CTNNA2: variants seen among roughly 807,000 people sequenced by gnomAD.
The protein encoded by CTNNA2 is catenin alpha 2.
Under a neutral mutation model 101.0 loss-of-function variants are expected in CTNNA2, and 42 were observed. The observed-to-expected ratio is 0.42, with a 90% confidence interval of 0.32 to 0.54. The LOEUF (loss-of-function observed/expected upper bound fraction) is 0.54. Among genes scored for constraint, CTNNA2 ranks in the 20% least tolerant of loss-of-function variants. The probability of loss-of-function intolerance (pLI) is 0.14; values close to 1 mark genes in which losing one functional copy is unlikely to be tolerated. For synonymous variants in CTNNA2, 450 were observed against 456.4 expected, an observed-to-expected ratio of 0.99 and a Z score of 0.18; for missense variants, 871 against 1,223.1, an observed-to-expected ratio of 0.71 and a Z score of 4.29.
At chr2:80,065,193 T>A (rs1697896277) in intron 7 of CTNNA2, among the ~76,000 whole-genome samples, 1 of 151,886 alleles carries the variant, frequency 6.6e-6, no homozygotes, top group Non-Finnish European at 1.5e-5. Context: ...TTGAATTACT[T>A]GTCAGAAAAA....
intron 2 of CTNNA2, among the ~76,000 whole-genome samples, chr2:79,735,538 G>A (rs1197824658): frequency 2.0e-5 from 3 of 152,112 alleles, no homozygotes; most frequent in African/African-American, 7.2e-5. Flanking sequence ...TATTTATTTG[G>A]GGAGTTATTT....
At chr2:79,912,625 A>C (rs1374032900) in intron 7 of CTNNA2, among the ~76,000 whole-genome samples, 1 of 152,232 alleles carries the variant, frequency 6.6e-6, no homozygotes, top group Admixed American at 6.5e-5. Context: ...GGCTAGACTT[A>C]AGTTGCTTTA....
chr2:80,144,302 G>C (rs932109024), intron 7 of CTNNA2, among the ~76,000 whole-genome samples: 8 of 152,040 alleles, frequency 5.3e-5, no homozygotes, highest in African/African-American at 1.9e-4. Flanking sequence ...AGATGCACCT[G>C]GTTAAAAGAC....
intron 3 of CTNNA2, among the ~76,000 whole-genome samples, chr2:79,845,210 C>T (rs1439319616): frequency 1.5e-5 from 2 of 129,864 alleles, no homozygotes; most frequent in African/African-American, 3.0e-5. Context: ...TAAATGTCCA[C>T]TTAGGGGGCA....
intron 9 of CTNNA2, among the ~76,000 whole-genome samples, chr2:80,490,461 A>T (rs1282344527): frequency 6.6e-6 from 1 of 152,136 alleles, no homozygotes; most frequent in Non-Finnish European, 1.5e-5. Flanking sequence ...TGAAATTCAG[A>T]TTTCATATAA....
In CTNNA2 at chr2:79,359,067, T is replaced by C. The variant is rs147874318; in HGVS notation, c.-317-14764T>C. ...AATCCTGGAAACACCTGATCACTTATATTCCTGAATTAGTTAACTCAGCTT... is the reference window on the plus strand; with the variant it reads ...AATCCTGGAAACACCTGATCACTTACATTCCTGAATTAGTTAACTCAGCTT... On this transcript the variant is annotated intron_variant, in intron 3 of 21. Coordinates refer to the CTNNA2 transcript ENST00000466387. 4.3e-3 allele frequency among the ~76,000 whole-genome samples: 653 copies of C among 152,294 alleles called. 8 individuals are homozygous for C. The highest frequency in any genetic ancestry group is 0.015 in the African/African-American group (619 of 41,560).
intron 7 of CTNNA2, among the ~76,000 whole-genome samples, chr2:80,371,243 C>T (rs1053447745): frequency 6.6e-6 from 1 of 152,130 alleles, no homozygotes; most frequent in Admixed American, 6.5e-5. Flanking sequence ...TCCATCATTA[C>T]ACAGCAAAAG....
intron 9 of CTNNA2, among the ~76,000 whole-genome samples, chr2:80,516,823 C>T (rs2004016): frequency 0.062 from 9,401 of 152,232 alleles, 357 homozygotes; most frequent in African/African-American, 0.1. Flanking sequence ...TTTCTAACAA[C>T]GGTAAATTAA....
intron 4 of CTNNA2, among the ~76,000 whole-genome samples, chr2:79,404,910 G>A (rs377151491): frequency 6.6e-6 from 1 of 151,994 alleles, no homozygotes; most frequent in Non-Finnish European, 1.5e-5. Context: ...CCCTGTCTCA[G>A]AACTTTATTT....
At chr2:79,638,149 G>C (rs1680207070) in intron 1 of CTNNA2, among the ~76,000 whole-genome samples, 1 of 152,178 alleles carries the variant, frequency 6.6e-6, no homozygotes, top group South Asian at 2.1e-4. Context: ...GTGTTCAGTG[G>C]AATCATTGTT....
In CTNNA2 at chr2:79,464,471, T is replaced by C. The variant is rs138795375; in HGVS notation, c.-134-40583T>C. Among the ~76,000 whole-genome samples, 1,645 of 152,324 alleles carry C rather than the reference T, an allele frequency of 0.011. 81 individuals carry two copies. In the East Asian group the frequency reaches 0.13, roughly 12 times the overall value. ...GTGGGCATGTATCTTTATAGCAGCA[T>C]GATTTACAATCCTTTGGGTATATAC... On this transcript the variant is annotated intron_variant, in intron 4 of 21. Coordinates refer to the CTNNA2 transcript ENST00000466387.
intron 1 of CTNNA2, among the ~76,000 whole-genome samples, chr2:79,516,798 C>A (rs1457880383): frequency 6.6e-6 from 1 of 152,136 alleles, no homozygotes; most frequent in African/African-American, 2.4e-5. Context: ...CTTTGCTGAA[C>A]AATAAAGATT....
intron 4 of CTNNA2, among the ~76,000 whole-genome samples, chr2:79,435,481 C>G (rs2104513684): frequency 6.6e-6 from 1 of 152,252 alleles, no homozygotes; most frequent in South Asian, 2.1e-4. Flanking sequence ...AAATGGGCCC[C>G]AAATGCTACC....
At chr2:79,682,147 G>A (rs1573662853) in intron 2 of CTNNA2, among the ~76,000 whole-genome samples, 1 of 152,044 alleles carries the variant, frequency 6.6e-6, no homozygotes, top group African/African-American at 2.4e-5. Flanking sequence ...GGTGGCTCAC[G>A]CCTGTAATCC....
In CTNNA2 at chr2:79,803,377, T is replaced by G. The variant is rs555136066; in HGVS notation, c.299-54636T>G. 1.1e-3 allele frequency among the ~76,000 whole-genome samples: 171 copies of G among 152,348 alleles called. 1 individual carries two copies. The highest frequency in any genetic ancestry group is 3.9e-3 in the African/African-American group (163 of 41,588). Reference sequence around the variant, plus strand: ...GCCCAAACAGAGATTTACCCACATATTTATTAACAGCAAGCCAGTCATTAG... The same window carrying G: ...GCCCAAACAGAGATTTACCCACATAGTTATTAACAGCAAGCCAGTCATTAG... On this transcript the variant is annotated intron_variant, in intron 3 of 18. Transcript: ENST00000402739.
chr2:79,692,723 C>G (rs148557380), intron 2 of CTNNA2, among the ~76,000 whole-genome samples: 29 of 151,758 alleles, frequency 1.9e-4, no homozygotes, highest in African/African-American at 6.8e-4. Context: ...GTCCTTTGCA[C>G]GGACATGGAT....
intron 15 of CTNNA2, 102 bp downstream of exon 15, chr2:80,589,587 A>C (rs1305956462): frequency 5.6e-6 from 6 of 1,080,738 alleles, no homozygotes; most frequent in Non-Finnish European, 8.0e-6. Flanking sequence ...AAAATATACC[A>C]ACGCAAGGTG....
Position 79,515,408 on chromosome 2 carries a change from G to A in CTNNA2, c.-6+2201G>A, listed in dbSNP as rs374160950. Reference sequence around the variant, plus strand: ...TGCCAGTATGTCTGCTGTTCTTTGTGGGGCTTCAGAGTTGTGAATGTGGGG... The same window carrying A: ...TGCCAGTATGTCTGCTGTTCTTTGTAGGGCTTCAGAGTTGTGAATGTGGGG... On this transcript the variant is annotated intron_variant, in intron 1 of 18. Coordinates refer to ENST00000402739, the MANE Select transcript of CTNNA2 (RefSeq NM_001282597.3). Among the ~76,000 whole-genome samples the A allele has an allele frequency of 1.2e-3, 183 of 152,268 alleles. 3 individuals are homozygous for A. In the South Asian group the frequency reaches 0.036, roughly 30 times the overall value.
intron 15 of CTNNA2, among the ~76,000 whole-genome samples, chr2:80,598,235 A>C (rs1697157949): frequency 6.6e-6 from 1 of 152,130 alleles, no homozygotes; most frequent in South Asian, 2.1e-4. Context: ...TCTCACTCAT[A>C]AGTAGGAGTT....
Sources: gnomAD v4.1 joint callset for allele counts (sites outside exome capture counted in the v4.1 genomes callset) on GRCh38, gnomAD v4.1.1 for gene constraint, MANE v1.5 for transcripts, NCBI Gene and HGNC (gene_info 2026-07-23, HGNC 2026-07-21) for gene names.